CCDC171: variants seen among roughly 807,000 people sequenced by gnomAD.
CCDC171 encodes coiled-coil domain-containing protein 171.
In CCDC171, 177 loss-of-function variants were observed where a neutral mutation model predicts 168.2. The observed-to-expected ratio is 1.05, with a 90% CI of 0.93 to 1.19. The LOEUF is 1.19. Ranked by LOEUF, CCDC171 falls within the 50% of genes most tolerant of loss-of-function variation. The probability of loss-of-function intolerance (pLI) is 0.00; values close to 1 mark genes in which losing one functional copy is unlikely to be tolerated. For synonymous variants in CCDC171, 687 were observed against 540.8 expected, an observed-to-expected ratio of 1.27 and a Z score of -3.75; for missense variants, 1,991 against 1,539.0, an observed-to-expected ratio of 1.29 and a Z score of -4.91.
At chr9:15,679,387 A>T (rs1254521035) in intron 10 of CCDC171, among the ~76,000 whole-genome samples, 1 of 152,080 alleles carries the variant, frequency 6.6e-6, no homozygotes, top group Non-Finnish European at 1.5e-5. Context: ...CAGCATCTCG[A>T]TGTCTCCCTG....
chr9:15,720,874 G>A (rs1026925367), intron 11 of CCDC171, among the ~76,000 whole-genome samples: 2 of 152,130 alleles, frequency 1.3e-5, no homozygotes, highest in Non-Finnish European at 2.9e-5. Context: ...AGTGTGTGAT[G>A]TTCTCTTTCC....
chr9:16,059,491 CTT>C (rs1297630834), intron 1 of CCDC171, among the ~76,000 whole-genome samples: 1 of 117,324 alleles, frequency 8.5e-6, no homozygotes, highest in Non-Finnish European at 1.8e-5. Context: ...GATAGCAGGT[CTT>C]TTTTTTTTTT....
At chr9:15,986,004 A>G (rs774811311) in intron 3 of CCDC171, among the ~76,000 whole-genome samples, 36 of 152,320 alleles carry the variant, frequency 2.4e-4, no homozygotes, top group Admixed American at 7.2e-4. Flanking sequence ...GAAAGGCACA[A>G]CAGAACCAAA....
chr9:15,915,375 T>A (rs960359939), intron 24 of CCDC171, among the ~76,000 whole-genome samples: 2 of 146,320 alleles, frequency 1.4e-5, no homozygotes, highest in African/African-American at 5.0e-5. Flanking sequence ...TTTTTTTTTA[T>A]AGCTATTGGG....
intron 25 of CCDC171, among the ~76,000 whole-genome samples, chr9:15,937,670 A>G (rs1460425071): frequency 6.6e-6 from 1 of 152,034 alleles, no homozygotes; most frequent in Admixed American, 6.6e-5. Flanking sequence ...TCTCATTATA[A>G]TTTTGGAATA....
At chr9:16,095,678 A>T in the CCDC171 span, among the ~76,000 whole-genome samples, 2 of 152,028 alleles carry the variant, frequency 1.3e-5, no homozygotes, top group African/African-American at 4.8e-5. Flanking sequence ...ATCATAGAGC[A>T]GGAGCTTTGG....
At chr9:15,727,771 C>T (rs1175367849) in intron 14 of CCDC171, 98 bp from the exon 15 acceptor site, 1 of 863,008 alleles carries the variant, frequency 1.2e-6, no homozygotes, top group African/African-American at 1.7e-5. Context: ...AATTCCTTTT[C>T]AGGTTTTTTA....
intron 8 of CCDC171, among the ~76,000 whole-genome samples, chr9:15,657,699 T>C (rs2048041238): frequency 6.6e-6 from 1 of 152,206 alleles, no homozygotes; most frequent in African/African-American, 2.4e-5. Flanking sequence ...CATTTTGTTG[T>C]CAGAGATACT....
At chr9:16,063,333 C>T (rs1204228304), downstream of CCDC171, among the ~76,000 whole-genome samples, 5 of 151,996 alleles carry the variant, frequency 3.3e-5, no homozygotes, top group Non-Finnish European at 4.4e-5. Context: ...AGGCTTGCCA[C>T]GGATGGTCTG....
At chr9:15,784,432 C>A in intron 20 of CCDC171, 77 bp from the exon 21 acceptor site, 1 of 879,762 alleles carries the variant, frequency 1.1e-6, no homozygotes, top group Non-Finnish European at 1.7e-6. Context: ...TATTATATTC[C>A]TTTAGTTTTG....
chr9:15,747,556 C>T (rs1034843663), intron 18 of CCDC171, among the ~76,000 whole-genome samples: 1 of 152,180 alleles, frequency 6.6e-6, no homozygotes, highest in Non-Finnish European at 1.5e-5. Flanking sequence ...GAGGAAGGAT[C>T]AGGCAGCAAT....
In CCDC171 at chr9:15,727,973, T is replaced by C. The variant is rs143386045; in HGVS notation, c.1797T>C (p.Leu599=). 352 of 1,613,432 alleles carry C rather than the reference T, an allele frequency of 2.2e-4. 1 individual carries two copies. In the African/African-American group the frequency reaches 3.8e-3, roughly 18 times the overall value. ...GMLDKFSWSE[L]CAVLQENVDA... ...TGGATAAATTCTCTTGGTCTGAGCT[T>C]TGTGCAGTCTTACAGGAGAATGTTG... Residue 599 remains leucine (L), a synonymous_variant, in exon 15 of 26, where the codon CTT becomes CTC. Coordinates refer to ENST00000380701, the MANE Select transcript of CCDC171 (RefSeq NM_173550.4).
At chr9:15,795,642 C>A (rs1226490314) in intron 21 of CCDC171, among the ~76,000 whole-genome samples, 1 of 152,194 alleles carries the variant, frequency 6.6e-6, no homozygotes, top group Non-Finnish European at 1.5e-5. Context: ...TTAGGGAAAT[C>A]TAGGCTTTAA....
At chr9:15,708,699 C>A (rs2052432969) in intron 11 of CCDC171, among the ~76,000 whole-genome samples, 1 of 152,030 alleles carries the variant, frequency 6.6e-6, no homozygotes, top group African/African-American at 2.4e-5. Context: ...GGTAGCAGTT[C>A]ATACTAGAGA....
intron 18 of CCDC171, among the ~76,000 whole-genome samples, chr9:15,769,438 C>G (rs1350298373): frequency 6.6e-6 from 1 of 152,170 alleles, no homozygotes; most frequent in Non-Finnish European, 1.5e-5. Context: ...GGTCTGTGGA[C>G]TTGAATGAGA....
intron 18 of CCDC171, among the ~76,000 whole-genome samples, chr9:15,769,898 G>A (rs2056925021): frequency 6.6e-6 from 1 of 152,212 alleles, no homozygotes; most frequent in Non-Finnish European, 1.5e-5. Flanking sequence ...AGTTACTGAA[G>A]TTACTTCTAT....
intron 1 of CCDC171, among the ~76,000 whole-genome samples, chr9:16,056,058 T>C (rs1477508857): frequency 6.6e-6 from 1 of 152,226 alleles, no homozygotes; most frequent in Non-Finnish European, 1.5e-5. Flanking sequence ...TAACATTGCA[T>C]ATTCAACAGA....
At chr9:15,563,366 G>A (rs1214013077) in intron 1 of CCDC171, among the ~76,000 whole-genome samples, 2 of 152,042 alleles carry the variant, frequency 1.3e-5, no homozygotes, top group Admixed American at 6.6e-5. Context: ...TAGAACTCCC[G>A]ACCTCAGGTG....
intron 3 of CCDC171, among the ~76,000 whole-genome samples, chr9:16,006,498 G>A (rs1233115594): frequency 2.0e-5 from 3 of 152,078 alleles, no homozygotes; most frequent in Non-Finnish European, 4.4e-5. Context: ...TGTTACATAT[G>A]TATACATGTG....
Sources: gnomAD v4.1 joint callset for allele counts (sites outside exome capture counted in the v4.1 genomes callset) on GRCh38, gnomAD v4.1.1 for gene constraint, MANE v1.5 for transcripts, NCBI Gene and HGNC (gene_info 2026-07-23, HGNC 2026-07-21) for gene names.